Variants in GPR160 observed in about 807,000 individuals in gnomAD.
The protein encoded by GPR160 is G protein-coupled receptor 160, also known as probable G protein-coupled receptor 160.
Under a neutral mutation model 2.6 loss-of-function variants are expected in GPR160, and 2 were observed. That is an observed-to-expected ratio of 0.77 (90% CI 0.32 to 2.44). The LOEUF (loss-of-function observed/expected upper bound fraction) is 2.44, where lower values mean the gene tolerates loss of function less well. Among genes scored for constraint, GPR160 ranks in the 30% most tolerant of loss-of-function variants. The probability of loss-of-function intolerance (pLI) is 0.11; values close to 1 mark genes in which losing one functional copy is unlikely to be tolerated. For missense variants in GPR160, 351 were observed against 383.6 expected (o/e 0.91, Z 0.71); for synonymous variants, 130 against 132.2 (o/e 0.98, Z 0.12).
intron 2 of GPR160, among the ~76,000 whole-genome samples, chr3:170,068,218 C>T (rs1712438997): frequency 6.6e-6 from 1 of 150,560 alleles, no homozygotes. Flanking sequence ...GATCTCGGCT[C>T]ACTGCAACCT....
chr3:170,066,146 T>TC (rs2108333556), intron 2 of GPR160, among the ~76,000 whole-genome samples: 1 of 125,508 alleles, frequency 8.0e-6, no homozygotes, highest in African/African-American at 3.1e-5. Context: ...TTTTTTTTTT[T>TC]TTTTTTTTTT....
Position 170,041,705 on chromosome 3 carries a change from T to C in GPR160, c.-193+2662T>C, listed in dbSNP as rs368031735. Among the ~76,000 whole-genome samples the C allele has an allele frequency of 1.1e-3, 172 of 152,294 alleles. 1 individual carries two copies. The highest frequency in any genetic ancestry group is 7.7e-3 in the South Asian group (37 of 4,826). ...AGTGGGGGGAGATACCACAGTGAAT[T>C]CATGATGGTTCTTAAATGAAGTGAA... On this transcript the variant is annotated intron_variant, in intron 2 of 3. Coordinates refer to ENST00000355897, the MANE Select transcript of GPR160 (RefSeq NM_014373.3).
At chr3:170,074,950 G>T (rs962526944) in intron 2 of GPR160, among the ~76,000 whole-genome samples, 3 of 152,078 alleles carry the variant, frequency 2.0e-5, no homozygotes, top group African/African-American at 7.2e-5. Context: ...AGAGGGCCGG[G>T]TGCAGTGGCT....
At chr3:170,058,665 T>G (rs1300508826) in intron 2 of GPR160, among the ~76,000 whole-genome samples, 1 of 152,172 alleles carries the variant, frequency 6.6e-6, no homozygotes, top group African/African-American at 2.4e-5. Context: ...TATGTAAGCA[T>G]TCACCCTTTG....
chr3:170,048,770 C>T (rs1272562069), intron 2 of GPR160, among the ~76,000 whole-genome samples: 5 of 152,148 alleles, frequency 3.3e-5, no homozygotes, highest in African/African-American at 4.8e-5. Flanking sequence ...CTGTTTGTGT[C>T]GCCGGGTTCT....
intron 2 of GPR160, among the ~76,000 whole-genome samples, chr3:170,070,598 A>G (rs1269643998): frequency 6.6e-6 from 1 of 152,266 alleles, no homozygotes; most frequent in East Asian, 1.9e-4. Context: ...CAGGTGGTAC[A>G]GTTAGCACAG....
chr3:170,048,031 G>A (rs1296206869), intron 2 of GPR160, among the ~76,000 whole-genome samples: 1 of 152,052 alleles, frequency 6.6e-6, no homozygotes, highest in South Asian at 2.1e-4. Context: ...GTTTCACCAC[G>A]TTGGCCAGGC....
intron 2 of GPR160, among the ~76,000 whole-genome samples, chr3:170,046,013 G>A (rs557547637): frequency 6.6e-6 from 1 of 152,304 alleles, no homozygotes; most frequent in Admixed American, 6.5e-5. Context: ...CATGGAGTAG[G>A]ATGGATTGTG....
rs1716519648 is a variant in GPR160, at chr3:170,042,856, ATGGTAGTCTTC to A, written c.-193+3825_-193+3835del. On this transcript the variant is annotated intron_variant, in intron 2 of 3. Coordinates refer to ENST00000355897, the MANE Select transcript of GPR160 (RefSeq NM_014373.3). ...AAAAAAAAAAAAAAAAAAAGAATTCATGGTAGTCTTCTGGTAGTCTTCACACACTTTTTTTT... is the reference window on the plus strand; with the variant it reads ...AAAAAAAAAAAAAAAAAAAGAATTCATGGTAGTCTTCACACACTTTTTTTT... 2.1e-5 allele frequency among the ~76,000 whole-genome samples: 3 copies of A among 141,574 alleles called. No homozygotes were observed. The Admixed American group carries it at 2.2e-4, about 10-fold the overall frequency. The allele number at this position is 141,574 out of a possible 152,430, so 92.9% of individuals were successfully genotyped here. A position where few individuals can be genotyped will look rare whatever the true frequency, so the allele number is the denominator to read the frequency against.
chr3:170,041,784 C>T lies in GPR160; in HGVS notation c.-193+2741C>T, dbSNP rs2241297. On this transcript the variant is annotated intron_variant, in intron 2 of 3. Coordinates refer to ENST00000355897, the MANE Select transcript of GPR160 (RefSeq NM_014373.3). The stretch of plus-strand genomic sequence containing the variant: ...GGTATGAATGAAAGAAGTATGCAAC[C>T]GTCACGTAACTTTATTTTATACCTC... 3.2e-3 allele frequency among the ~76,000 whole-genome samples: 493 copies of T among 152,198 alleles called. 13 individuals are homozygous for T. The East Asian group carries it at 0.083, about 26-fold the overall frequency.
At chr3:170,061,845 T>C (rs970515906) in intron 2 of GPR160, among the ~76,000 whole-genome samples, 2 of 152,048 alleles carry the variant, frequency 1.3e-5, no homozygotes, top group Non-Finnish European at 2.9e-5. Context: ...TCTCTGTACA[T>C]TTTCTTATTT....
At chr3:170,042,561 C>G (rs1029338865) in intron 2 of GPR160, among the ~76,000 whole-genome samples, 18 of 149,804 alleles carry the variant, frequency 1.2e-4, no homozygotes, top group Admixed American at 2.0e-4. Flanking sequence ...TGTGGTGGCT[C>G]GCATCTGTAA....
intron 2 of GPR160, among the ~76,000 whole-genome samples, chr3:170,079,251 C>T (rs1713013140): frequency 1.3e-5 from 2 of 152,246 alleles, no homozygotes; most frequent in Non-Finnish European, 2.9e-5. Context: ...GTACTCCTTT[C>T]ATCCGTTGCT....
At chr3:170,080,474 G>A (rs1713069778) in intron 3 of GPR160, among the ~76,000 whole-genome samples, 1 of 151,852 alleles carries the variant, frequency 6.6e-6, no homozygotes, top group Non-Finnish European at 1.5e-5. Context: ...GTTCCATGTC[G>A]GACTTGTCTT....
intron 2 of GPR160, among the ~76,000 whole-genome samples, chr3:170,039,310 CAGGGAGGAGGA>C (rs1195060016): frequency 2.0e-5 from 3 of 152,140 alleles, no homozygotes; most frequent in African/African-American, 7.2e-5. Context: ...ATGCGAATTG[CAGGGAGGAGGA>C]CCTGTGTGCA....
chr3:170,076,223 T>G (rs1712841711), intron 2 of GPR160, among the ~76,000 whole-genome samples: 3 of 152,164 alleles, frequency 2.0e-5, no homozygotes, highest in African/African-American at 4.8e-5. Context: ...TCACCCAAGT[T>G]TTGTATCATG....
chr3:170,081,257 G>T (rs1713106935), intron 3 of GPR160, among the ~76,000 whole-genome samples: 1 of 151,060 alleles, frequency 6.6e-6, no homozygotes, highest in African/African-American at 2.4e-5. Context: ...AACACCACTT[G>T]TAAGACCAAT....
At position 170,084,977 on chromosome 3, in the gene GPR160, A is replaced by AATG; in HGVS notation, c.1008_1010dup (p.Met336dup). ...AGCAAATTGAAAAGCCTATATCAAT[A>AATG]ATGATTTGTTAATATTATTAATTAA... On this transcript the variant is annotated inframe_insertion, in exon 4 of 4. Coordinates refer to ENST00000355897, the MANE Select transcript of GPR160 (RefSeq NM_014373.3). 3 of 1,488,188 alleles carry AATG rather than the reference A, an allele frequency of 2.0e-6. No individual in the cohort carries two copies. The highest frequency in any genetic ancestry group is 1.3e-5 in the South Asian group (1 of 76,996). The allele number at this position is 1,488,188 out of a possible 1,614,324, so 92.2% of individuals were successfully genotyped here. A position where few individuals can be genotyped will look rare whatever the true frequency, so the allele number is the denominator to read the frequency against.
At chr3:170,054,115 A>ATG (rs1020108411) in intron 2 of GPR160, among the ~76,000 whole-genome samples, 18 of 135,020 alleles carry the variant, frequency 1.3e-4, no homozygotes, top group Admixed American at 3.1e-4. Flanking sequence ...GTGTGTGTGT[A>ATG]TGTGTGTGTA....
Sources: gnomAD v4.1 joint callset for allele counts (sites outside exome capture counted in the v4.1 genomes callset) on GRCh38, gnomAD v4.1.1 for gene constraint, MANE v1.5 for transcripts, NCBI Gene and HGNC (gene_info 2026-07-23, HGNC 2026-07-21) for gene names.